The following SLC8A1 variants were observed in gnomAD, a reference collection of about 807,000 sequenced individuals.
SLC8A1 encodes solute carrier family 8 member A1, also known as sodium/calcium exchanger 1.
SLC8A1 carries 18 observed loss-of-function variants against 68.3 expected under a neutral mutation model. The observed-to-expected ratio is 0.26, with a 90% CI of 0.18 to 0.39. The LOEUF is 0.39. Ranked by LOEUF, SLC8A1 falls within the 10% of genes least tolerant of loss-of-function variation. SLC8A1 has a pLI of 1.00. For missense variants in SLC8A1, 985 were observed against 1,156.7 expected (o/e 0.85, Z 2.15); for synonymous variants, 475 against 415.5 (o/e 1.14, Z -1.74).
intron 2 of SLC8A1, among the ~76,000 whole-genome samples, chr2:40,381,377 G>C (rs370312426): frequency 2.0e-5 from 3 of 152,074 alleles, no homozygotes; most frequent in East Asian, 3.9e-4. Flanking sequence ...AGTATAACAA[G>C]ATTCCTAGTA....
chr2:40,478,389 AACTCAATATG>A lies in SLC8A1; in HGVS notation c.-25+33950_-25+33959del. On this transcript the variant is annotated intron_variant, in intron 1 of 7. Coordinates refer to the SLC8A1 transcript ENST00000402441. ...TCTTTTGTGTCCTGTTTGCAGGTTAAACTCAATATGACCTTTACAGATCTAAAGGTCCTAA... is the reference window on the plus strand; with the variant it reads ...TCTTTTGTGTCCTGTTTGCAGGTTAAACCTTTACAGATCTAAAGGTCCTAA... Among the ~76,000 whole-genome samples the A allele has an allele frequency of 2.6e-5, 4 of 152,308 alleles. No homozygotes were observed. The Middle Eastern group carries it at 0.01, about 389-fold the overall frequency.
At chr2:40,194,878 G>C (rs915481030) in intron 2 of SLC8A1, among the ~76,000 whole-genome samples, 6 of 152,040 alleles carry the variant, frequency 3.9e-5, no homozygotes, top group Non-Finnish European at 8.8e-5. Context: ...TCTGTACAAA[G>C]CCACCAAAGA....
intron 1 of SLC8A1, among the ~76,000 whole-genome samples, chr2:40,466,972 TA>T (rs10642728): frequency 0.076 from 10,923 of 143,788 alleles, 716 homozygotes; most frequent in East Asian, 0.33. Context: ...ATGAGTTATC[TA>T]AAAAAAAAAA....
At chr2:40,178,622 G>C (rs561732267) in intron 2 of SLC8A1, 129 bp from the exon 3 acceptor site, 7 of 743,604 alleles carry the variant, frequency 9.4e-6, no homozygotes, top group South Asian at 7.5e-5. Context: ...CTTCTGTACT[G>C]TGAGTTTTTT....
chr2:40,260,769 T>C (rs1219973638), intron 2 of SLC8A1, among the ~76,000 whole-genome samples: 1 of 151,640 alleles, frequency 6.6e-6, no homozygotes, highest in African/African-American at 2.4e-5. Context: ...TTAGACTTCC[T>C]ACGTGTAACT....
intron 2 of SLC8A1, among the ~76,000 whole-genome samples, chr2:40,212,011 G>A (rs1270740793): frequency 3.9e-5 from 6 of 152,158 alleles, no homozygotes; most frequent in African/African-American, 9.6e-5. Context: ...TATATTTAGA[G>A]CATAAATAAA....
chr2:40,151,065 G>C (rs1326737634), intron 6 of SLC8A1, among the ~76,000 whole-genome samples: 1 of 152,078 alleles, frequency 6.6e-6, no homozygotes, highest in Non-Finnish European at 1.5e-5. Context: ...CTACATAACA[G>C]TGAAATTTTA....
At chr2:40,308,802 G>A (rs980275349) in intron 2 of SLC8A1, among the ~76,000 whole-genome samples, 2 of 152,122 alleles carry the variant, frequency 1.3e-5, no homozygotes, top group Non-Finnish European at 2.9e-5. Context: ...ACGCTGCAAA[G>A]GGCAAAACTT....
intron 2 of SLC8A1, among the ~76,000 whole-genome samples, chr2:40,388,105 C>T (rs182045541): frequency 2.1e-4 from 32 of 152,094 alleles, no homozygotes; most frequent in Admixed American, 7.2e-4. Flanking sequence ...GAAAAATGTT[C>T]CCACTTAAGC....
intron 2 of SLC8A1, among the ~76,000 whole-genome samples, chr2:40,213,896 A>T (rs1466235897): frequency 1.3e-5 from 2 of 152,202 alleles, no homozygotes; most frequent in African/African-American, 4.8e-5. Context: ...CAGAGACTTC[A>T]GGGCAATAAT....
At chr2:40,294,189 C>G (rs532629644) in intron 2 of SLC8A1, among the ~76,000 whole-genome samples, 2 of 152,236 alleles carry the variant, frequency 1.3e-5, no homozygotes, top group Non-Finnish European at 2.9e-5. Flanking sequence ...TAAAGTTTCA[C>G]AAGTGCATAA....
At chr2:40,345,951 T>C (rs1029764120) in intron 2 of SLC8A1, among the ~76,000 whole-genome samples, 1 of 149,242 alleles carries the variant, frequency 6.7e-6, no homozygotes, top group Admixed American at 6.8e-5. Context: ...CCATGGCACA[T>C]GTATACCTAT....
intron 2 of SLC8A1, among the ~76,000 whole-genome samples, chr2:40,397,820 C>G (rs1687464896): frequency 6.6e-6 from 1 of 152,178 alleles, no homozygotes; most frequent in South Asian, 2.1e-4. Context: ...TTTGCACAGA[C>G]TTCTACAACT....
At chr2:40,433,378 A>G (rs1698753559) in intron 1 of SLC8A1, among the ~76,000 whole-genome samples, 1 of 152,204 alleles carries the variant, frequency 6.6e-6, no homozygotes, top group Non-Finnish European at 1.5e-5. Context: ...TCTTAGAAGC[A>G]AGTTTCAAAA....
At chr2:40,271,926 G>A (rs924419217) in intron 2 of SLC8A1, among the ~76,000 whole-genome samples, 10 of 152,106 alleles carry the variant, frequency 6.6e-5, no homozygotes, top group Admixed American at 2.0e-4. Context: ...GAATGCAGTG[G>A]AACCGTCATA....
chr2:40,179,242 T>G lies in SLC8A1; in HGVS notation c.1809-1387A>C, dbSNP rs2148570806. ...TGCGAGTCATGATGTTGTAGTTATT[T>G]TCATTCTTCCAAAGTTGAGTTTTAA... is the stretch of plus-strand genomic sequence containing the variant. On this transcript the variant is annotated intron_variant, in intron 2 of 7. Transcript: ENST00000406785. Among the ~76,000 whole-genome samples, 3 of 152,310 alleles carry G rather than the reference T, an allele frequency of 2.0e-5. No individual in the cohort carries two copies. The South Asian group carries it at 6.2e-4, about 32-fold the overall frequency.
At chr2:40,337,290 G>C in intron 2 of SLC8A1, 1 of 325,134 alleles carries the variant, frequency 3.1e-6, no homozygotes, top group Non-Finnish European at 6.9e-6. Context: ...TAAAATTTTA[G>C]TATGTTTATG....
At chr2:40,393,464 T>G (rs1271221273) in intron 2 of SLC8A1, among the ~76,000 whole-genome samples, 1 of 152,194 alleles carries the variant, frequency 6.6e-6, no homozygotes, top group African/African-American at 2.4e-5. Flanking sequence ...AATGATTTTC[T>G]GTCATCCCTT....
At chr2:40,368,674 C>T (rs771620945) in intron 2 of SLC8A1, among the ~76,000 whole-genome samples, 3 of 151,902 alleles carry the variant, frequency 2.0e-5, no homozygotes, top group Non-Finnish European at 4.4e-5. Context: ...GTTTGTTGTA[C>T]AGATTATTTG....
Sources: allele counts gnomAD v4.1 joint callset (sites outside exome capture counted in the v4.1 genomes callset), GRCh38; gene constraint gnomAD v4.1.1; transcripts MANE v1.5; gene names NCBI Gene and HGNC (gene_info 2026-07-23, HGNC 2026-07-21).